The following RANBP2 variants were observed in gnomAD, a reference collection of about 807,000 sequenced individuals.
RANBP2 encodes RAN binding protein 2.
RANBP2 carries 57 observed loss-of-function variants against 303.6 expected under a neutral mutation model. The ratio of observed to expected loss-of-function variants is 0.19; its 90% CI spans 0.15 to 0.23. RANBP2 has a LOEUF of 0.23. RANBP2 is among the 10% of genes least tolerant of loss of function. The pLI is 1.00. For synonymous variants in RANBP2, 1,167 were observed against 1,301.5 expected (o/e 0.90, Z 2.23); for missense variants, 3,138 against 3,780.8 (o/e 0.83, Z 4.46).
the RANBP2 span, among the ~76,000 whole-genome samples, chr2:109,448,065 C>T: frequency 6.6e-6 from 1 of 152,164 alleles, no homozygotes; most frequent in Non-Finnish European, 1.5e-5. Context: ...CTCACATGCT[C>T]AGCCCTCACT....
chr2:109,188,134 A>T, the RANBP2 span, among the ~76,000 whole-genome samples: 1 of 152,236 alleles, frequency 6.6e-6, no homozygotes, highest in Non-Finnish European at 1.5e-5. Flanking sequence ...AGCATGGGAA[A>T]CAAAATATGA....
the RANBP2 span, among the ~76,000 whole-genome samples, chr2:109,350,954 G>A: frequency 6.6e-6 from 1 of 152,332 alleles, no homozygotes; most frequent in Admixed American, 6.5e-5. Flanking sequence ...TTTAAATTAG[G>A]TGGATCAAAG....
At chr2:109,384,850 C>T in the RANBP2 span, among the ~76,000 whole-genome samples, 1 of 152,192 alleles carries the variant, frequency 6.6e-6, no homozygotes, top group Non-Finnish European at 1.5e-5. Flanking sequence ...CCGATGGTTC[C>T]CATGTGGCTT....
chr2:109,330,368 CTT>C, the RANBP2 span, among the ~76,000 whole-genome samples: 2 of 150,704 alleles, frequency 1.3e-5, no homozygotes, highest in South Asian at 4.2e-4. Context: ...TTTTTTTTTT[CTT>C]GTCTTGGCAT....
the RANBP2 span, among the ~76,000 whole-genome samples, chr2:108,994,400 G>A: frequency 6.6e-6 from 1 of 152,138 alleles, no homozygotes; most frequent in African/African-American, 2.4e-5. Flanking sequence ...ATTGATCCTC[G>A]CTGAGAATGG....
intron 1 of RANBP2, among the ~76,000 whole-genome samples, chr2:108,722,712 T>C (rs1159747419): frequency 6.7e-6 from 1 of 149,522 alleles, no homozygotes; most frequent in Middle Eastern, 3.2e-3. Flanking sequence ...ACCAATATGG[T>C]GAAAATCCGT....
At chr2:109,723,047 G>A in the RANBP2 span, among the ~76,000 whole-genome samples, 1 of 152,306 alleles carries the variant, frequency 6.6e-6, no homozygotes, top group East Asian at 1.9e-4. Context: ...TCATCACACT[G>A]TCTTCTCCAA....
chr2:108,930,937 TG>T, the RANBP2 span: 3 of 1,613,470 alleles, frequency 1.9e-6, no homozygotes, highest in South Asian at 3.3e-5. Context: ...GAGGGTGCTG[TG>T]GGGGTAAGGG....
chr2:108,951,405 C>T, the RANBP2 span, among the ~76,000 whole-genome samples: 3 of 152,310 alleles, frequency 2.0e-5, no homozygotes, highest in African/African-American at 7.2e-5. Flanking sequence ...TACAGGAATT[C>T]GACCAGAAAG....
At chr2:109,157,135 G>A in the RANBP2 span, among the ~76,000 whole-genome samples, 118 of 152,286 alleles carry the variant, frequency 7.7e-4, no homozygotes, top group African/African-American at 2.8e-3. Context: ...TAGGATGAGA[G>A]CACTTGAATT....
chr2:108,935,642 C>G, the RANBP2 span, among the ~76,000 whole-genome samples: 1 of 151,996 alleles, frequency 6.6e-6, no homozygotes, highest in African/African-American at 2.4e-5. Flanking sequence ...ATTAGCACCC[C>G]TTTTCACACA....
chr2:108,864,214 A>G, the RANBP2 span, among the ~76,000 whole-genome samples: 1 of 152,220 alleles, frequency 6.6e-6, no homozygotes, highest in Admixed American at 6.5e-5. Context: ...CTAACCCACC[A>G]ATTAGTGTGG....
At chr2:108,935,575 T>C in the RANBP2 span, among the ~76,000 whole-genome samples, 1 of 152,212 alleles carries the variant, frequency 6.6e-6, no homozygotes, top group Non-Finnish European at 1.5e-5. Flanking sequence ...GAAGAAAGCC[T>C]TGGCTGGGTC....
the RANBP2 span, among the ~76,000 whole-genome samples, chr2:108,918,144 C>T: frequency 5.9e-5 from 9 of 152,308 alleles, no homozygotes; most frequent in Middle Eastern, 3.4e-3. Flanking sequence ...ATGTCCACTC[C>T]TTCCACTGTC....
At chr2:109,120,766 C>T in the RANBP2 span, among the ~76,000 whole-genome samples, 16 of 150,968 alleles carry the variant, frequency 1.1e-4, no homozygotes, top group Admixed American at 7.3e-4. Context: ...CCAAGAGGTA[C>T]GGGGAGGAGG....
chr2:109,201,557 C>T, the RANBP2 span, among the ~76,000 whole-genome samples: 4 of 152,170 alleles, frequency 2.6e-5, no homozygotes, highest in Non-Finnish European at 4.4e-5. Context: ...GGAAGTTGCT[C>T]TCCTCCTCTT....
the RANBP2 span, among the ~76,000 whole-genome samples, chr2:109,165,312 C>T: frequency 4.6e-5 from 7 of 152,178 alleles, no homozygotes; most frequent in East Asian, 1.9e-4. Context: ...CCACTGTTTG[C>T]GTTTTCTCAT....
chr2:109,016,381 C>T, the RANBP2 span, among the ~76,000 whole-genome samples: 542 of 152,296 alleles, frequency 3.6e-3, 3 homozygotes, highest in African/African-American at 0.013. Context: ...GCCACCGCGC[C>T]GGGTGGATAG....
At chr2:108,951,048 G>T in the RANBP2 span, among the ~76,000 whole-genome samples, 2 of 152,240 alleles carry the variant, frequency 1.3e-5, no homozygotes, top group African/African-American at 4.8e-5. Flanking sequence ...CACTTGTGAG[G>T]CATGCCTCTC....
Sources: allele counts gnomAD v4.1 joint callset (sites outside exome capture counted in the v4.1 genomes callset), GRCh38; gene constraint gnomAD v4.1.1; transcripts MANE v1.5; gene names NCBI Gene and HGNC (gene_info 2026-07-23, HGNC 2026-07-21).